The following KDM1B variants were observed in gnomAD, a reference collection of about 807,000 sequenced individuals.
KDM1B encodes lysine-specific histone demethylase 2.
Under a neutral mutation model 107.4 loss-of-function variants are expected in KDM1B, and 63 were observed. The observed-to-expected ratio is 0.59, with a 90% confidence interval of 0.48 to 0.72. KDM1B has a LOEUF of 0.72. Among genes scored for constraint, KDM1B ranks in the 30% least tolerant of loss-of-function variants. The pLI is 0.00. For synonymous variants in KDM1B, 363 were observed against 363.9 expected (o/e 1.00, Z 0.03); for missense variants, 749 against 1,020.8 (o/e 0.73, Z 3.63).
intron 6 of KDM1B, 145 bp from the exon 7 acceptor site, chr6:18,171,218 A>G (rs1785642880): frequency 4.6e-6 from 3 of 654,400 alleles, no homozygotes; most frequent in Non-Finnish European, 8.4e-6. Context: ...GTGAAAGTGA[A>G]TTATATGGAT....
chr6:18,195,301 C>G (rs214623), intron 10 of KDM1B, among the ~76,000 whole-genome samples: 23,124 of 152,100 alleles, frequency 0.15, 2,254 homozygotes, highest in African/African-American at 0.27. Flanking sequence ...ATTGGAATTA[C>G]TGGGTCATAT....
chr6:18,161,494 G>T (rs201343530), intron 4 of KDM1B, 40 bp downstream of exon 4: 124 of 1,606,912 alleles, frequency 7.7e-5, no homozygotes, highest in Non-Finnish European at 1.0e-4. Flanking sequence ...ATTTCTGCTT[G>T]TGAGAAGTTC....
intron 7 of KDM1B, among the ~76,000 whole-genome samples, chr6:18,184,535 A>C (rs1474897668): frequency 6.6e-6 from 1 of 151,774 alleles, no homozygotes; most frequent in Non-Finnish European, 1.5e-5. Context: ...TCAGCCTCCC[A>C]AAGTGCTGGG....
At chr6:18,184,120 G>A (rs1039349072) in intron 7 of KDM1B, among the ~76,000 whole-genome samples, 7 of 151,930 alleles carry the variant, frequency 4.6e-5, no homozygotes, top group African/African-American at 1.2e-4. Flanking sequence ...TAGAAGCCCC[G>A]TGTCACTTTT....
In KDM1B at chr6:18,187,711, G is replaced by A. The variant is rs1021302820; in HGVS notation, c.574-81G>A. 1.8e-5 allele frequency: 17 copies of A among 927,484 alleles called. No homozygotes were observed. In the African/African-American group the frequency reaches 2.6e-4, roughly 14 times the overall value. The allele number at this position is 927,484 out of a possible 1,614,324, so 57.5% of individuals were successfully genotyped here. A position where few individuals can be genotyped will look rare whatever the true frequency, so the allele number is the denominator to read the frequency against. ...GGGTTAAGGACAAGTGAAACGAAGA[G>A]AACCCTCTGTCCCTGGCAGAATCTG... is the stretch of plus-strand genomic sequence containing the variant. On this transcript the variant is annotated intron_variant, in intron 8 of 21. Transcript: ENST00000650836.
chr6:18,217,998 G>C, intron 21 of KDM1B, 113 bp downstream of exon 21: 1 of 1,148,972 alleles, frequency 8.7e-7, no homozygotes. Flanking sequence ...AAAGTCTTAT[G>C]ACCACAGACA....
chr6:18,220,559 A>C (rs1789615416), intron 21 of KDM1B, among the ~76,000 whole-genome samples: 1 of 152,172 alleles, frequency 6.6e-6, no homozygotes, highest in Non-Finnish European at 1.5e-5. Flanking sequence ...ACAAAACAAA[A>C]GAATGACATC....
chr6:18,174,817 G>T (rs984198011), intron 7 of KDM1B, among the ~76,000 whole-genome samples: 4 of 152,130 alleles, frequency 2.6e-5, no homozygotes, highest in Non-Finnish European at 5.9e-5. Flanking sequence ...CTGAGTAGTA[G>T]TCCATCATAT....
Position 18,186,374 on chromosome 6 carries a change from G to A in KDM1B, c.573+564G>A, listed in dbSNP as rs1480114661. ...TTCAGTGTACCATGTAACCAGATTC[G>A]GTGACTGTTTCAGAAAAGAGGTTTT... On this transcript the variant is annotated intron_variant, in intron 8 of 21. Coordinates refer to ENST00000650836, the MANE Select transcript of KDM1B (RefSeq NM_001364614.2). The surrounding 1 kb of genome is among the most constrained non-coding windows in gnomAD (Gnocchi z 5.6). Among the ~76,000 whole-genome samples, 1 of 152,118 alleles carries A rather than the reference G, an allele frequency of 6.6e-6. No homozygotes were observed. Among genetic ancestry groups the A allele is most frequent in the Admixed American group, 6.6e-5 (1 of 15,264 alleles).
chr6:18,198,657 A>AC (rs1561939783), intron 12 of KDM1B, among the ~76,000 whole-genome samples: 13 of 147,014 alleles, frequency 8.8e-5, no homozygotes, highest in Admixed American at 7.5e-4. Context: ...AAAAAAAAAA[A>AC]CAAAACGCCC....
chr6:18,182,085 C>T (rs956303175), intron 7 of KDM1B, among the ~76,000 whole-genome samples: 2 of 152,058 alleles, frequency 1.3e-5, no homozygotes, highest in African/African-American at 4.8e-5. Flanking sequence ...ATTTTAACAT[C>T]AAGCATTTTT....
chr6:18,164,470 A>G (rs1258477003), intron 5 of KDM1B, among the ~76,000 whole-genome samples: 2 of 152,040 alleles, frequency 1.3e-5, no homozygotes, highest in African/African-American at 2.4e-5. Context: ...TGTTGTTAAC[A>G]TTGTACATCT....
Position 18,214,977 on chromosome 6 carries a change from G to T in KDM1B, c.2110-30G>T. 6.2e-7 allele frequency: 1 copy of T among 1,611,440 alleles called. No homozygotes were observed. Among genetic ancestry groups the T allele is most frequent in the South Asian group, 1.1e-5 (1 of 90,812 alleles). ...TATCTGTGGGAGCTGAGCACTCACA[G>T]ACCTCCTGCTTTTCCTTTCATGTCT... is the stretch of plus-strand genomic sequence containing the variant. On this transcript the variant is annotated intron_variant, in intron 19 of 21. Coordinates refer to ENST00000650836, the MANE Select transcript of KDM1B (RefSeq NM_001364614.2). This position sits in a 1 kb window ranked among gnomAD's most constrained non-coding sequence, Gnocchi z 4.4.
chr6:18,222,163 C>T lies in KDM1B; in HGVS notation c.*171C>T. 1.4e-6 allele frequency: 1 copy of T among 713,160 alleles called. No individual in the cohort carries two copies. The allele number at this position is 713,160 out of a possible 1,614,324, so 44.2% of individuals were successfully genotyped here. A position where few individuals can be genotyped will look rare whatever the true frequency, so the allele number is the denominator to read the frequency against. ...ATTTCATCACTCTAAAAGCACTGAC[C>T]TCAAAAAACCTTATAAGCACTTAGA... On this transcript the variant is annotated 3_prime_UTR_variant, in exon 22 of 22. Transcript: ENST00000650836.
At chr6:18,199,795 A>G (rs1014578290) in intron 12 of KDM1B, among the ~76,000 whole-genome samples, 6 of 152,054 alleles carry the variant, frequency 3.9e-5, no homozygotes, top group Non-Finnish European at 7.4e-5. Context: ...CTTAGGAAAA[A>G]TCACCTAAAG....
rs1302684869 is a variant in KDM1B at position 18,200,631 on chromosome 6, T to C, written c.1359+55T>C. ...TAAAGGAAAGAAAAACAGTTTCAAT[T>C]TGCTTGTGTGCAGTATTAATATGCT... On this transcript the variant is annotated intron_variant, in intron 13 of 21. Transcript: ENST00000650836. The surrounding 1 kb of genome is among the most constrained non-coding windows in gnomAD (Gnocchi z 4.3). The C allele has an allele frequency of 6.4e-7, 1 of 1,561,186 alleles. No homozygotes were observed. Among genetic ancestry groups the C allele is most frequent in the Admixed American group, 1.9e-5 (1 of 53,888 alleles).
chr6:18,196,819 G>A (rs1012937872), intron 10 of KDM1B, among the ~76,000 whole-genome samples: 1 of 152,156 alleles, frequency 6.6e-6, no homozygotes, highest in African/African-American at 2.4e-5. Flanking sequence ...TAAATATTAT[G>A]TCATTTTACA....
chr6:18,208,339 T>A, intron 17 of KDM1B, 133 bp downstream of exon 17: 2 of 634,838 alleles, frequency 3.2e-6, no homozygotes, highest in Non-Finnish European at 5.6e-6. Flanking sequence ...TCTGGTAAGT[T>A]ATGTATCTCT....
At chr6:18,184,273 C>CTTTTTTTTTTTTTTTTTTT (rs1163110910) in intron 7 of KDM1B, among the ~76,000 whole-genome samples, 1 of 116,672 alleles carries the variant, frequency 8.6e-6, no homozygotes, top group Non-Finnish European at 1.7e-5. Context: ...GTTCTAGCTT[C>CTTTTTTTTTTTTTTTTTTT]TTTTTTTTTT....
Sources: allele counts gnomAD v4.1 joint callset (sites outside exome capture counted in the v4.1 genomes callset), GRCh38; gene constraint gnomAD v4.1.1; non-coding constraint Gnocchi (gnomAD v3.1); transcripts MANE v1.5; gene names NCBI Gene and HGNC (gene_info 2026-07-23, HGNC 2026-07-21).